ST18: variants seen among roughly 807,000 people sequenced by gnomAD.
ST18 encodes the protein suppression of tumorigenicity 18 protein.
A neutral mutation model predicts 110.0 loss-of-function variants in ST18; 50 were observed. The ratio of observed to expected loss-of-function variants is 0.45; its 90% CI spans 0.36 to 0.58. ST18 has a LOEUF of 0.58. ST18 is among the 20% of genes least tolerant of loss of function. The pLI is 0.00. For missense variants in ST18, 1,306 were observed against 1,280.1 expected (o/e 1.02, Z -0.31); for synonymous variants, 461 against 452.4 (o/e 1.02, Z -0.24).
At chr8:52,214,170 G>A in intron 7 of ST18, 33 bp downstream of exon 7, 1 of 1,609,712 alleles carries the variant, frequency 6.2e-7, no homozygotes, top group Non-Finnish European at 8.5e-7. Flanking sequence ...GGTGTGGTGG[G>A]CATAGTGTCA....
chr8:52,330,321 G>T (rs551528862), intron 2 of ST18, among the ~76,000 whole-genome samples: 1 of 152,296 alleles, frequency 6.6e-6, no homozygotes, highest in Non-Finnish European at 1.5e-5. Flanking sequence ...TTTGCCAAAA[G>T]AGCCTGGCGT....
chr8:52,273,905 T>A (rs2095155506), intron 2 of ST18, among the ~76,000 whole-genome samples: 1 of 152,216 alleles, frequency 6.6e-6, no homozygotes, highest in African/African-American at 2.4e-5. Context: ...TTCATTAAAA[T>A]CTTAATTACA....
chr8:52,305,422 A>G (rs1335736399), intron 2 of ST18, among the ~76,000 whole-genome samples: 2 of 152,322 alleles, frequency 1.3e-5, no homozygotes, highest in African/African-American at 2.4e-5. Flanking sequence ...TCTTGCTGTC[A>G]TTCAGTCCCA....
intron 2 of ST18, among the ~76,000 whole-genome samples, chr8:52,380,614 A>G (rs1308957244): frequency 6.6e-6 from 1 of 152,098 alleles, no homozygotes; most frequent in Non-Finnish European, 1.5e-5. Context: ...GCAAATCCCA[A>G]TCTCACAGTT....
chr8:52,400,487 A>T (rs1842530867), intron 2 of ST18, among the ~76,000 whole-genome samples: 1 of 151,952 alleles, frequency 6.6e-6, no homozygotes, highest in Non-Finnish European at 1.5e-5. Context: ...TGTTTTGTAG[A>T]TTCTTTTTCC....
At chr8:52,315,669 C>A (rs918565716) in intron 2 of ST18, among the ~76,000 whole-genome samples, 14 of 152,178 alleles carry the variant, frequency 9.2e-5, no homozygotes, top group African/African-American at 3.4e-4. Flanking sequence ...TACCTGATAG[C>A]AAATATCTAA....
chr8:52,232,578 T>G (rs1186306777), intron 2 of ST18, among the ~76,000 whole-genome samples: 1 of 152,164 alleles, frequency 6.6e-6, no homozygotes, highest in Non-Finnish European at 1.5e-5. Context: ...TGTTCTTTGT[T>G]GATCATTGCT....
At chr8:52,200,005 G>A (rs1257029854) in intron 8 of ST18, among the ~76,000 whole-genome samples, 1 of 152,136 alleles carries the variant, frequency 6.6e-6, no homozygotes, top group Non-Finnish European at 1.5e-5. Flanking sequence ...TGACTTGTAG[G>A]CTGTTAGCTT....
intron 2 of ST18, among the ~76,000 whole-genome samples, chr8:52,288,832 C>A (rs1279791920): frequency 6.6e-6 from 1 of 152,010 alleles, no homozygotes; most frequent in Non-Finnish European, 1.5e-5. Flanking sequence ...AGAGCAGATT[C>A]AGAGGAGTAC....
chr8:52,393,004 G>T (rs953656141), intron 2 of ST18, among the ~76,000 whole-genome samples: 1 of 152,150 alleles, frequency 6.6e-6, no homozygotes, highest in Non-Finnish European at 1.5e-5. Flanking sequence ...GAGAGGTGGG[G>T]TTTTCCTTTT....
intron 2 of ST18, among the ~76,000 whole-genome samples, chr8:52,361,079 G>A (rs943476570): frequency 2.6e-5 from 4 of 152,142 alleles, no homozygotes; most frequent in Non-Finnish European, 5.9e-5. Flanking sequence ...ATATAAGCTT[G>A]TGATGTATTT....
At chr8:52,329,507 C>A (rs1808146425) in intron 2 of ST18, among the ~76,000 whole-genome samples, 1 of 152,126 alleles carries the variant, frequency 6.6e-6, no homozygotes, top group Non-Finnish European at 1.5e-5. Context: ...GTAATCCTAG[C>A]ACTTTGGGAG....
intron 2 of ST18, among the ~76,000 whole-genome samples, chr8:52,377,633 AC>A (rs1433971590): frequency 2.6e-5 from 4 of 152,198 alleles, no homozygotes; most frequent in Admixed American, 6.5e-5. Flanking sequence ...AGAAAGGAGA[AC>A]CCTTATACAC....
At chr8:52,224,630 C>T (rs1194613818) in intron 3 of ST18, among the ~76,000 whole-genome samples, 1 of 152,160 alleles carries the variant, frequency 6.6e-6, no homozygotes, top group Non-Finnish European at 1.5e-5. Context: ...AAAACAGCTC[C>T]CATGGCAAAG....
intron 2 of ST18, among the ~76,000 whole-genome samples, chr8:52,401,913 C>T (rs1380177859): frequency 1.3e-5 from 2 of 152,076 alleles, no homozygotes; most frequent in Non-Finnish European, 2.9e-5. Flanking sequence ...GAACAGTTGC[C>T]TCTTCTAATT....
chr8:52,315,475 G>A (rs541055420), intron 2 of ST18, among the ~76,000 whole-genome samples: 2 of 152,248 alleles, frequency 1.3e-5, no homozygotes, highest in South Asian at 4.1e-4. Flanking sequence ...ATTGAAAATT[G>A]TAGCCCCACT....
intron 8 of ST18, among the ~76,000 whole-genome samples, chr8:52,190,171 AT>A (rs1217745451): frequency 6.6e-6 from 1 of 152,208 alleles, no homozygotes; most frequent in Non-Finnish European, 1.5e-5. Flanking sequence ...TTTAAAAAAT[AT>A]TGTATGGAAT....
At chr8:52,210,351 C>A (rs572458416) in intron 8 of ST18, among the ~76,000 whole-genome samples, 10 of 152,204 alleles carry the variant, frequency 6.6e-5, no homozygotes, top group African/African-American at 2.4e-4. Context: ...CTGTTCTTAT[C>A]AAAATACTTT....
rs574515773 is a variant in ST18 at position 52,339,232 on chromosome 8, C to T, written c.-465+70096G>A. 1.5e-4 allele frequency among the ~76,000 whole-genome samples: 23 copies of T among 152,218 alleles called. No individual in the cohort carries two copies. The South Asian group carries it at 2.9e-3, about 19-fold the overall frequency. On this transcript the variant is annotated intron_variant, in intron 2 of 25. Coordinates refer to ENST00000689386, the MANE Select transcript of ST18 (RefSeq NM_001352837.2). ...CCAGGCTGCTCTGAGCCCCAAGAGG[C>T]CATTCTCAGTCCTTACTATGTGGAC...
Sources: gnomAD v4.1 joint callset for allele counts (sites outside exome capture counted in the v4.1 genomes callset) on GRCh38, gnomAD v4.1.1 for gene constraint, MANE v1.5 for transcripts, NCBI Gene and HGNC (gene_info 2026-07-23, HGNC 2026-07-21) for gene names.